Variants in B3GALT1 observed in about 807,000 individuals in gnomAD.
B3GALT1 encodes UDP-Gal:betaGlcNAc beta 1,3-galactosyltransferase, polypeptide 1.
Under a neutral mutation model 23.2 loss-of-function variants are expected in B3GALT1, and 10 were observed. That is an observed-to-expected ratio of 0.43 (90% CI 0.27 to 0.73). The LOEUF (loss-of-function observed/expected upper bound fraction) is 0.73. Ranked by LOEUF, B3GALT1 falls within the 30% of genes least tolerant of loss-of-function variation. The pLI, the probability that B3GALT1 is intolerant of heterozygous loss-of-function variation, is 0.21. For synonymous variants in B3GALT1, 156 were observed against 141.5 expected (o/e 1.10, Z -0.73); for missense variants, 299 against 405.4 (o/e 0.74, Z 2.25).
At chr2:167,705,004 TTCA>T (rs571740140) in intron 3 of B3GALT1, among the ~76,000 whole-genome samples, 275 of 152,340 alleles carry the variant, frequency 1.8e-3, no homozygotes, top group Non-Finnish European at 3.1e-3. Flanking sequence ...TTCACTCTTA[TTCA>T]TCATCCATCC....
rs150449474 is a variant in B3GALT1, at chr2:167,785,995, A to G, written c.-351-32677A>G. 5.0e-3 allele frequency among the ~76,000 whole-genome samples: 758 copies of G among 152,334 alleles called. 5 individuals carry two copies. The highest frequency in any genetic ancestry group is 0.017 in the South Asian group (84 of 4,826). On this transcript the variant is annotated intron_variant, in intron 3 of 4. Transcript: ENST00000392690. ...CAACAACCATTGATTCATGGGTGCT[A>G]CGTTGAAAGCAATTTTCCCTGCTCA...
intron 2 of B3GALT1, among the ~76,000 whole-genome samples, chr2:167,499,063 AT>A (rs1174771977): frequency 1.8e-4 from 28 of 152,156 alleles, no homozygotes; most frequent in Non-Finnish European, 1.5e-4. Context: ...TTTTGCTTCC[AT>A]TTTATATTAA....
intron 3 of B3GALT1, among the ~76,000 whole-genome samples, chr2:167,666,871 T>C (rs1218388571): frequency 2.6e-5 from 4 of 152,250 alleles, no homozygotes; most frequent in African/African-American, 4.8e-5. Context: ...GTTTACTGAA[T>C]ACAGCACACT....
At chr2:167,823,210 C>G (rs1021822797) in intron 4 of B3GALT1, among the ~76,000 whole-genome samples, 21 of 152,210 alleles carry the variant, frequency 1.4e-4, no homozygotes, top group African/African-American at 5.1e-4. Flanking sequence ...TAGGTTGTTA[C>G]ACAAGAAATA....
chr2:167,658,129 A>C (rs1685988247), intron 3 of B3GALT1, among the ~76,000 whole-genome samples: 1 of 152,166 alleles, frequency 6.6e-6, no homozygotes, highest in Non-Finnish European at 1.5e-5. Flanking sequence ...AACTATTATA[A>C]GTTCTGGGGA....
chr2:167,598,195 A>C lies in B3GALT1; in HGVS notation c.-409-48714A>C, dbSNP rs565680200. Among the ~76,000 whole-genome samples, 3 of 152,302 alleles carry C rather than the reference A, an allele frequency of 2.0e-5. No individual in the cohort carries two copies. In the South Asian group the frequency reaches 6.2e-4, roughly 32 times the overall value. ...TGAAAAATTGAAGCAAGACTGAAAT[A>C]TATAGCCAGAGAAATCAGAAATTGT... On this transcript the variant is annotated intron_variant, in intron 2 of 4. Transcript: ENST00000392690.
intron 2 of B3GALT1, among the ~76,000 whole-genome samples, chr2:167,532,969 C>T (rs1450356780): frequency 6.7e-6 from 1 of 149,058 alleles, no homozygotes; most frequent in African/African-American, 2.5e-5. Flanking sequence ...TCAAGCGATT[C>T]TCCTGCCTCA....
At chr2:167,710,029 A>T (rs914446697) in intron 3 of B3GALT1, among the ~76,000 whole-genome samples, 2 of 152,140 alleles carry the variant, frequency 1.3e-5, no homozygotes, top group Non-Finnish European at 2.9e-5. Flanking sequence ...GTGACCCAGC[A>T]CACTGGGTAC....
chr2:167,390,083 C>T (rs1168488819), intron 1 of B3GALT1, among the ~76,000 whole-genome samples: 3 of 152,076 alleles, frequency 2.0e-5, no homozygotes, highest in Admixed American at 1.3e-4. Context: ...AGGAGAAAAT[C>T]TCAGCTACAC....
intron 2 of B3GALT1, among the ~76,000 whole-genome samples, chr2:167,512,604 AT>A (rs1700035004): frequency 2.0e-5 from 2 of 102,472 alleles, no homozygotes; most frequent in South Asian, 3.4e-4. Context: ...GTATATATAT[AT>A]ATGTATATAT....
intron 2 of B3GALT1, among the ~76,000 whole-genome samples, chr2:167,504,713 AC>A (rs2105350156): frequency 6.6e-6 from 1 of 152,264 alleles, no homozygotes; most frequent in South Asian, 2.1e-4. Context: ...TTTTTACTGT[AC>A]CTTTTTAATG....
intron 3 of B3GALT1, among the ~76,000 whole-genome samples, chr2:167,808,040 CT>C (rs1368805114): frequency 6.7e-6 from 1 of 149,264 alleles, no homozygotes; most frequent in Admixed American, 6.7e-5. Context: ...TGAATTGATC[CT>C]TTTACCATTA....
At chr2:167,699,380 AT>A (rs1169813738) in intron 3 of B3GALT1, among the ~76,000 whole-genome samples, 14,721 of 99,674 alleles carry the variant, frequency 0.15, 443 homozygotes, top group Middle Eastern at 0.23. Context: ...CATTATTTCT[AT>A]TTTTTTTTTT....
At chr2:167,492,887 G>GTGTC (rs1050429488) in intron 2 of B3GALT1, among the ~76,000 whole-genome samples, 5 of 151,874 alleles carry the variant, frequency 3.3e-5, no homozygotes, top group African/African-American at 1.2e-4. Context: ...ATGTGTGTGT[G>GTGTC]TGTGTGTGTG....
In B3GALT1 at chr2:167,644,538, T is replaced by C. The variant is rs1324362042; in HGVS notation, c.-409-2371T>C. The stretch of plus-strand genomic sequence containing the variant: ...GCTCACGCCTGTAATCCCAGCACTT[T>C]GGTAGGCTAAGGCGGGTGGATCACG... On this transcript the variant is annotated intron_variant, in intron 2 of 4. Transcript: ENST00000392690. Among the ~76,000 whole-genome samples the C allele has an allele frequency of 2.6e-5, 4 of 152,162 alleles. No homozygotes were observed. The East Asian group carries it at 7.7e-4, about 29-fold the overall frequency.
chr2:167,844,289 CAG>C (rs1332632784), intron 4 of B3GALT1, among the ~76,000 whole-genome samples: 4 of 152,176 alleles, frequency 2.6e-5, no homozygotes, highest in Non-Finnish European at 5.9e-5. Flanking sequence ...GAGCAGCATG[CAG>C]AGACTCGCAT....
chr2:167,843,608 G>A (rs1306804428), intron 4 of B3GALT1, among the ~76,000 whole-genome samples: 2 of 152,204 alleles, frequency 1.3e-5, no homozygotes, highest in Admixed American at 6.5e-5. Flanking sequence ...TAACCAGGAA[G>A]ACTTCAAACC....
At chr2:167,614,089 GAA>G (rs1230185832) in intron 2 of B3GALT1, among the ~76,000 whole-genome samples, 2 of 151,322 alleles carry the variant, frequency 1.3e-5, no homozygotes, top group East Asian at 3.9e-4. Context: ...TACATATTGG[GAA>G]AAAAAGAGAA....
At chr2:167,720,856 C>G (rs574259205) in intron 3 of B3GALT1, among the ~76,000 whole-genome samples, 47 of 152,276 alleles carry the variant, frequency 3.1e-4, no homozygotes, top group Non-Finnish European at 5.4e-4. Context: ...ATGTTTCTGC[C>G]TTTTGAACAC....
Sources: gnomAD v4.1 joint callset for allele counts (sites outside exome capture counted in the v4.1 genomes callset) on GRCh38, gnomAD v4.1.1 for gene constraint, MANE v1.5 for transcripts, NCBI Gene and HGNC (gene_info 2026-07-23, HGNC 2026-07-21) for gene names.